Variants in ASPHD1 observed in about 807,000 individuals in gnomAD.
ASPHD1 encodes aspartate beta-hydroxylase domain-containing protein 1.
ASPHD1 carries 20 observed loss-of-function variants against 28.3 expected under a neutral mutation model. That is an observed-to-expected ratio of 0.71 (90% CI 0.50 to 1.03). ASPHD1 has a LOEUF of 1.03. ASPHD1 is among the 50% of genes least tolerant of loss of function. The probability of loss-of-function intolerance (pLI) is 0.00; values close to 1 mark genes in which losing one functional copy is unlikely to be tolerated. For missense variants in ASPHD1, 479 were observed against 524.1 expected, an observed-to-expected ratio of 0.91 and a Z score of 0.84; for synonymous variants, 240 against 221.2, an observed-to-expected ratio of 1.08 and a Z score of -0.75.
chr16:29,910,339 G>A (rs138123505), downstream of ASPHD1, among the ~76,000 whole-genome samples: 2,707 of 151,936 alleles, frequency 0.018, 83 homozygotes, highest in African/African-American at 0.061. Flanking sequence ...TAGAGGTTGC[G>A]GTGAGCGGAG....
chr16:29,910,890 G>A, downstream of ASPHD1: 1 of 1,241,794 alleles, frequency 8.1e-7, no homozygotes, highest in South Asian at 1.4e-5. Context: ...CCTGGTGGTG[G>A]GCTCCTTCCC....
downstream of ASPHD1, chr16:29,910,947 C>T (rs370825991): frequency 1.2e-5 from 19 of 1,591,580 alleles, no homozygotes; most frequent in Non-Finnish European, 9.4e-6. Context: ...CCACCCCCAG[C>T]CCCCAACATA....
At chr16:29,909,141 G>A (rs2068662123), downstream of ASPHD1, among the ~76,000 whole-genome samples, 1 of 152,130 alleles carries the variant, frequency 6.6e-6, no homozygotes, top group Admixed American at 6.6e-5. Flanking sequence ...AAAAAGACAT[G>A]GCCCTGCCCT....
At position 29,900,775 on chromosome 16, in the gene ASPHD1, G is replaced by T; in HGVS notation, c.-197G>T. ...CGCTGCCCAGGGGAGCTAGGAGGAA[G>T]CGGGGAGAGAGAGCGAGCGAAAAGC... On this transcript the variant is annotated 5_prime_UTR_variant, in exon 1 of 3. Transcript: ENST00000308748. 1 of 613,914 alleles carries T rather than the reference G, an allele frequency of 1.6e-6. No homozygotes were observed. 38.0% of individuals were successfully genotyped at this position (613,914 alleles called of 1,614,324 possible).
chr16:29,919,296 T>A (rs765426441), intron 3 of ASPHD1, among the ~76,000 whole-genome samples: 2 of 151,598 alleles, frequency 1.3e-5, no homozygotes, highest in Non-Finnish European at 2.9e-5. Context: ...ATGCTTATGG[T>A]ATTATTTGGC....
Position 29,905,921 on chromosome 16 carries a change from C to T in ASPHD1, c.*24C>T. On this transcript the variant is annotated 3_prime_UTR_variant, in exon 3 of 3. Coordinates refer to ENST00000308748, the MANE Select transcript of ASPHD1 (RefSeq NM_181718.4). Reference sequence around the variant, plus strand: ...GAAGGAAGGTGCTCCCTTCACACACCCAGGCTGGAGAGACACTGCGCTCAG... The same window carrying T: ...GAAGGAAGGTGCTCCCTTCACACACTCAGGCTGGAGAGACACTGCGCTCAG... 1.9e-6 allele frequency: 3 copies of T among 1,590,430 alleles called. No homozygotes were observed. The highest frequency in any genetic ancestry group is 8.6e-7 in the Non-Finnish European group (1 of 1,160,708).
At chr16:29,905,724 G>T in intron 2 of ASPHD1, 64 bp from the exon 3 acceptor site, 1 of 1,064,780 alleles carries the variant, frequency 9.4e-7, no homozygotes, top group Non-Finnish European at 1.4e-6. Flanking sequence ...GGTGTTTGGT[G>T]AGTGCTCTGG....
intron 3 of ASPHD1, chr16:29,914,273 T>G (rs2068769232): frequency 6.6e-6 from 1 of 151,552 alleles, no homozygotes; most frequent in Admixed American, 6.6e-5. Context: ...CTCAGTGATT[T>G]CCCCCCTCCC....
At chr16:29,907,064 G>A (rs899566680), downstream of ASPHD1, 5 of 1,613,070 alleles carry the variant, frequency 3.1e-6, no homozygotes, top group African/African-American at 6.7e-5. Flanking sequence ...CGTAGATGAG[G>A]ATGTTCAGGG....
chr16:29,902,595 C>T lies in ASPHD1; in HGVS notation c.949+675C>T, dbSNP rs577432743. Among the ~76,000 whole-genome samples the T allele has an allele frequency of 1.1e-4, 16 of 152,330 alleles. No homozygotes were observed. In the East Asian group the frequency reaches 2.9e-3, roughly 28 times the overall value. The stretch of plus-strand genomic sequence containing the variant: ...CGATCTTGGCTCACTGCAAGCTCCA[C>T]CTCCCGGGTTCATACCATTCTCCTG... On this transcript the variant is annotated intron_variant, in intron 1 of 2. Coordinates refer to ENST00000308748, the MANE Select transcript of ASPHD1 (RefSeq NM_181718.4).
chr16:29,916,736 C>T (rs1385855512), intron 3 of ASPHD1, among the ~76,000 whole-genome samples: 1 of 152,206 alleles, frequency 6.6e-6, no homozygotes, highest in Non-Finnish European at 1.5e-5. Context: ...CATTATCTCA[C>T]ATAGTTTCTG....
chr16:29,905,609 A>G (rs1003197800), intron 2 of ASPHD1, among the ~76,000 whole-genome samples, 179 bp from the exon 3 acceptor site: 1 of 147,242 alleles, frequency 6.8e-6, no homozygotes. Flanking sequence ...GCCTGGTGAC[A>G]GAGCAAGACT....
At chr16:29,911,981 C>G (rs1200087274) in intron 3 of ASPHD1, 2 of 1,611,520 alleles carry the variant, frequency 1.2e-6, no homozygotes, top group Non-Finnish European at 1.7e-6. Context: ...TGGCCAGGAG[C>G]TGCTGCTCCT....
chr16:29,911,677 A>AGCCTTCGC (rs1255972076), intron 3 of ASPHD1: 1 of 827,198 alleles, frequency 1.2e-6, no homozygotes, highest in African/African-American at 1.7e-5. Flanking sequence ...CGTCAGGGGT[A>AGCCTTCGC]AGAGGCGAAG....
intron 3 of ASPHD1, chr16:29,911,809 G>A (rs374081647): frequency 1.7e-5 from 28 of 1,612,332 alleles, no homozygotes; most frequent in African/African-American, 2.7e-5. Flanking sequence ...GCACCCCGGC[G>A]GTCACCTGGT....
At position 29,901,996 on chromosome 16, in the gene ASPHD1, G is replaced by A; in HGVS notation, c.949+76G>A. 2.5e-6 allele frequency: 3 copies of A among 1,193,418 alleles called. No individual in the cohort carries two copies. The highest frequency in any genetic ancestry group is 3.3e-6 in the Non-Finnish European group (3 of 905,554). 73.9% of individuals were successfully genotyped at this position (1,193,418 alleles called of 1,614,324 possible). On this transcript the variant is annotated intron_variant, in intron 1 of 2. Coordinates refer to ENST00000308748, the MANE Select transcript of ASPHD1 (RefSeq NM_181718.4). The surrounding 1 kb of genome is among the most constrained non-coding windows in gnomAD (Gnocchi z 5.1). ...CCAGACCCTTCTCTCCGCCAGAGCC[G>A]TCTGCTGTCTGGTTCTCATTGTGCC...
At chr16:29,913,101 A>T (rs12444978) in intron 3 of ASPHD1, 63,319 of 150,866 alleles carry the variant, frequency 0.42, 14,817 homozygotes, top group Non-Finnish European at 0.53. Flanking sequence ...GAATAATAAA[A>T]GTCTACAATT....
chr16:29,911,719 T>C (rs2068713081), intron 3 of ASPHD1: 1 of 1,333,264 alleles, frequency 7.5e-7, no homozygotes, highest in Non-Finnish European at 1.1e-6. Context: ...GATGTTCTTG[T>C]AGGCCCCCCG....
At chr16:29,911,807 G>A (rs773174042) in intron 3 of ASPHD1, 2 of 1,612,466 alleles carry the variant, frequency 1.2e-6, no homozygotes, top group East Asian at 2.2e-5. Context: ...CCGCACCCCG[G>A]CGGTCACCTG....
Sources: allele counts gnomAD v4.1 joint callset (sites outside exome capture counted in the v4.1 genomes callset), GRCh38; gene constraint gnomAD v4.1.1; non-coding constraint Gnocchi (gnomAD v3.1); transcripts MANE v1.5; gene names NCBI Gene and HGNC (gene_info 2026-07-23, HGNC 2026-07-21).